The following OSBPL9 variants were observed in gnomAD, a reference collection of about 807,000 sequenced individuals.
OSBPL9 encodes oxysterol-binding protein-related protein 9.
OSBPL9 carries 40 observed loss-of-function variants against 106.6 expected under a neutral mutation model. The ratio of observed to expected loss-of-function variants is 0.38; its 90% CI spans 0.29 to 0.49. OSBPL9 has a LOEUF of 0.49. Ranked by LOEUF, OSBPL9 falls within the 20% of genes least tolerant of loss-of-function variation. The probability of loss-of-function intolerance (pLI) is 0.97; values close to 1 mark genes in which losing one functional copy is unlikely to be tolerated. For synonymous variants in OSBPL9, 269 were observed against 295.4 expected (o/e 0.91, Z 0.92); for missense variants, 609 against 887.2 (o/e 0.69, Z 3.98).
chr1:51,601,478 G>C (rs1645325029), intron 2 of OSBPL9, among the ~76,000 whole-genome samples: 2 of 152,208 alleles, frequency 1.3e-5, no homozygotes, highest in Non-Finnish European at 1.5e-5. Flanking sequence ...TCCCTCTTCA[G>C]CTTCATCTCC....
At chr1:51,642,505 A>G (rs1393484858) in intron 1 of OSBPL9, among the ~76,000 whole-genome samples, 1 of 152,180 alleles carries the variant, frequency 6.6e-6, no homozygotes, top group African/African-American at 2.4e-5. Flanking sequence ...GGATGATGCT[A>G]TAAAAGCCAG....
At chr1:51,742,106 A>G (rs1315671842) in intron 4 of OSBPL9, among the ~76,000 whole-genome samples, 1 of 152,226 alleles carries the variant, frequency 6.6e-6, no homozygotes, top group Non-Finnish European at 1.5e-5. Flanking sequence ...CACTGTAGCC[A>G]GCGCCATGTG....
chr1:51,685,240 G>C (rs1420737063), intron 3 of OSBPL9, among the ~76,000 whole-genome samples: 2 of 152,086 alleles, frequency 1.3e-5, no homozygotes, highest in African/African-American at 4.8e-5. Context: ...CCTAGAAGAG[G>C]CTTCCTGGTT....
At chr1:51,642,312 A>G (rs1300773807) in intron 1 of OSBPL9, among the ~76,000 whole-genome samples, 14 of 152,200 alleles carry the variant, frequency 9.2e-5, no homozygotes. Context: ...ATTTAAGGCT[A>G]ATAGGGATGA....
intron 1 of OSBPL9, among the ~76,000 whole-genome samples, chr1:51,582,659 C>T (rs559039147): frequency 6.6e-6 from 1 of 152,176 alleles, no homozygotes; most frequent in South Asian, 2.1e-4. Context: ...TTCCTTCCTG[C>T]CTCCCTCCTT....
chr1:51,571,907 G>A, the OSBPL9 span, among the ~76,000 whole-genome samples: 2 of 152,074 alleles, frequency 1.3e-5, no homozygotes, highest in Admixed American at 1.3e-4. Context: ...AGAACTAGGA[G>A]GAATCCAATG....
At chr1:51,692,702 A>G (rs529306522) in intron 3 of OSBPL9, among the ~76,000 whole-genome samples, 5 of 120,760 alleles carry the variant, frequency 4.1e-5, no homozygotes, top group African/African-American at 1.7e-4. Flanking sequence ...TTGCTATGTC[A>G]CTCAGGCTGG....
Position 51,748,396 on chromosome 1 carries a change from A to G in OSBPL9, c.490A>G (p.Asn164Asp). Residue 164 changes from asparagine to aspartate, a missense_variant and splice_region_variant, in exon 7 of 24, where the codon AAT (asparagine) becomes GAT (aspartate). By Grantham distance (23) the Asn-to-Asp change is conservative. This residue lies in a region of OSBPL9 where 356 missense variants were observed against 505.8 expected (regional missense o/e 0.70). Transcript: ENST00000428468. ...AATTGAAACTCTCAAAGAGACAACA[A>G]ATGTAAGTTATATGTTTGATACATT... ...KKIETLKETT[N>D]SMVESIKHCI... 6.6e-7 allele frequency: 1 copy of G among 1,518,562 alleles called. No individual in the cohort carries two copies. Among genetic ancestry groups the G allele is most frequent in the Non-Finnish European group, 8.8e-7 (1 of 1,142,128 alleles). 94.1% of individuals were successfully genotyped at this position (1,518,562 alleles called of 1,614,324 possible).
At chr1:51,769,394 A>T (rs1350047239) in intron 12 of OSBPL9, among the ~76,000 whole-genome samples, 1 of 152,172 alleles carries the variant, frequency 6.6e-6, no homozygotes, top group Admixed American at 6.5e-5. Context: ...AAGAACTTGT[A>T]CTTTGGAGCC....
At chr1:51,686,219 A>G (rs1485718427) in intron 3 of OSBPL9, among the ~76,000 whole-genome samples, 1 of 152,198 alleles carries the variant, frequency 6.6e-6, no homozygotes, top group East Asian at 1.9e-4. Context: ...TAATTCTCCT[A>G]GGTACCTCAC....
At chr1:51,542,154 G>A in the OSBPL9 span, among the ~76,000 whole-genome samples, 4 of 152,216 alleles carry the variant, frequency 2.6e-5, no homozygotes, top group Non-Finnish European at 4.4e-5. Context: ...CTCCCAAAGT[G>A]CTGGGATTAC....
chr1:51,669,636 A>T (rs1649382704), intron 3 of OSBPL9, 124 bp downstream of exon 3: 1 of 870,870 alleles, frequency 1.1e-6, no homozygotes, highest in Admixed American at 2.0e-5. Context: ...AGTGCATAGG[A>T]ACATTCTGGA....
the OSBPL9 span, among the ~76,000 whole-genome samples, chr1:51,531,002 G>A: frequency 6.1e-5 from 9 of 146,506 alleles, no homozygotes; most frequent in East Asian, 1.2e-3. Context: ...GGCCAGGTGC[G>A]GTGGCTCATG....
chr1:51,620,137 T>C (rs1644335956), intron 1 of OSBPL9, among the ~76,000 whole-genome samples: 2 of 152,228 alleles, frequency 1.3e-5, no homozygotes, highest in Admixed American at 1.3e-4. Flanking sequence ...GTTGAATTTT[T>C]ATTAGATGAA....
At chr1:51,675,306 T>G (rs927135883) in intron 3 of OSBPL9, among the ~76,000 whole-genome samples, 2 of 152,194 alleles carry the variant, frequency 1.3e-5, no homozygotes, top group African/African-American at 4.8e-5. Context: ...TTGGAATGTT[T>G]GCCCATTGTT....
intron 21 of OSBPL9, chr1:51,786,264 G>T (rs1677604140): frequency 2.2e-6 from 1 of 451,074 alleles, no homozygotes; most frequent in East Asian, 4.1e-5. Flanking sequence ...TGAAGATTTT[G>T]TATAATAAAA....
chr1:51,653,602 C>T (rs1344211497), intron 2 of OSBPL9, among the ~76,000 whole-genome samples: 3 of 152,208 alleles, frequency 2.0e-5, no homozygotes, highest in Non-Finnish European at 4.4e-5. Flanking sequence ...TCACTTCTTA[C>T]ATTTGGTTAT....
At chr1:51,587,561 T>C (rs1645252873) in intron 1 of OSBPL9, among the ~76,000 whole-genome samples, 1 of 152,164 alleles carries the variant, frequency 6.6e-6, no homozygotes, top group Admixed American at 6.5e-5. Context: ...CCTTCCTTCT[T>C]CCTTCAAACT....
At chr1:51,577,475 G>A (rs1300572069) in intron 1 of OSBPL9, among the ~76,000 whole-genome samples, 1 of 151,812 alleles carries the variant, frequency 6.6e-6, no homozygotes, top group Admixed American at 6.6e-5. Context: ...GGGTTTCATC[G>A]TGTTAGCCAG....
Sources: allele counts gnomAD v4.1 joint callset (sites outside exome capture counted in the v4.1 genomes callset), GRCh38; gene constraint gnomAD v4.1.1; regional missense constraint gnomAD v4.1.1; transcripts MANE v1.5; gene names NCBI Gene and HGNC (gene_info 2026-07-23, HGNC 2026-07-21).